Variants in CCDC66 observed in about 807,000 individuals in gnomAD.
CCDC66 encodes the protein coiled-coil domain-containing protein 66.
Under a neutral mutation model 128.3 loss-of-function variants are expected in CCDC66, and 133 were observed. That is an observed-to-expected ratio of 1.04 (90% CI 0.90 to 1.20). The LOEUF is 1.20. Among genes scored for constraint, CCDC66 ranks in the 50% most tolerant of loss-of-function variants. The pLI is 0.00. For synonymous variants in CCDC66, 387 were observed against 357.0 expected, an observed-to-expected ratio of 1.08 and a Z score of -0.95; for missense variants, 1,126 against 1,075.5, an observed-to-expected ratio of 1.05 and a Z score of -0.66.
At chr3:56,571,153 A>G (rs779486031) in intron 6 of CCDC66, 28 bp from the exon 7 acceptor site, 2 of 1,454,750 alleles carry the variant, frequency 1.4e-6, no homozygotes, top group South Asian at 2.5e-5. Flanking sequence ...GTTTTTGTAC[A>G]TTTTTTTAAA....
chr3:56,611,678 G>C (rs2317132), intron 10 of CCDC66, among the ~76,000 whole-genome samples: 15,249 of 151,590 alleles, frequency 0.1, 1,200 homozygotes, highest in East Asian at 0.35. Flanking sequence ...TGCTCCTCTG[G>C]CCACCCTCCT....
At position 56,613,623 on chromosome 3, in the gene CCDC66, G is replaced by A. The variant is rs1244277941; in HGVS notation, c.1439G>A (p.Arg480Lys). The change falls in exon 11 of 18, where the codon AGG becomes AAG. Residue 480 changes from arginine (R) to lysine (K), a missense_variant. Arg to Lys is a conservative substitution (Grantham distance 26). Transcript: ENST00000394672. ...AITAQVEEKR[R>K]KKQLEEEQRK... ...ACTGCCCAGGTAGAAGAGAAGCGCAGGAAGAAACAACTGGAGGAAGAGCAA... is the reference window on the plus strand; with the variant it reads ...ACTGCCCAGGTAGAAGAGAAGCGCAAGAAGAAACAACTGGAGGAAGAGCAA... 7 of 1,613,902 alleles carry A rather than the reference G, an allele frequency of 4.3e-6. No homozygotes were observed. Among genetic ancestry groups the A allele is most frequent in the Non-Finnish European group, 5.9e-6 (7 of 1,179,924 alleles).
In CCDC66 at chr3:56,613,627, G is replaced by GA; in HGVS notation, c.1446dup (p.Gln483ThrfsTer23). On this transcript the variant is annotated frameshift_variant, in exon 11 of 18. Transcript: ENST00000394672. LOFTEE classifies it high-confidence loss of function. ...CCCAGGTAGAAGAGAAGCGCAGGAA[G>GA]AAACAACTGGAGGAAGAGCAAAGAA... 1 of 1,613,982 alleles carries GA rather than the reference G, an allele frequency of 6.2e-7. No individual in the cohort carries two copies. The highest frequency in any genetic ancestry group is 1.1e-5 in the South Asian group (1 of 91,054).
chr3:56,591,924 A>T (rs760445492), intron 7 of CCDC66, among the ~76,000 whole-genome samples: 4 of 152,194 alleles, frequency 2.6e-5, no homozygotes, highest in Non-Finnish European at 4.4e-5. Context: ...TCTTGTAGTT[A>T]TTTCATGTAA....
rs563456601 is a variant in CCDC66 at position 56,608,624 on chromosome 3, G to A, written c.1405-4965G>A. ...CAATTTCATTTAGTTCTGCTCTGAT[G>A]TTGGTTGTTTCCTTTCTTCTGCTAG... On this transcript the variant is annotated intron_variant, in intron 10 of 17. Coordinates refer to ENST00000394672, the MANE Select transcript of CCDC66 (RefSeq NM_001141947.3). Among the ~76,000 whole-genome samples the A allele has an allele frequency of 2.0e-5, 3 of 151,680 alleles. No individual in the cohort carries two copies. In the South Asian group the frequency reaches 6.2e-4, roughly 32 times the overall value.
chr3:56,609,181 C>G (rs572058095), intron 10 of CCDC66, among the ~76,000 whole-genome samples: 5 of 152,200 alleles, frequency 3.3e-5, no homozygotes, highest in African/African-American at 7.2e-5. Context: ...GTCTTGATGA[C>G]CTGTCTAGTC....
At chr3:56,573,451 G>T (rs181123978) in intron 7 of CCDC66, among the ~76,000 whole-genome samples, 1 of 152,326 alleles carries the variant, frequency 6.6e-6, no homozygotes, top group Non-Finnish European at 1.5e-5. Context: ...TTTATGCTGA[G>T]TGAAGTGGCT....
rs762183039 is a variant in CCDC66 at position 56,563,940 on chromosome 3, A to G, written c.359A>G (p.Lys120Arg). 70 of 1,613,958 alleles carry G rather than the reference A, an allele frequency of 4.3e-5. No individual in the cohort carries two copies. In the Middle Eastern group the frequency reaches 1.5e-3, roughly 34 times the overall value. ...TCACCTGCAACCCCTAATATGCAGA[A>G]GACTAGAAACACCGTAAATACATCT... The part of the protein sequence containing the change: ...EISPATPNMQ[K>R]TRNTVNTSLV... Residue 120 changes from lysine (K) to arginine (R), a missense_variant, in exon 4 of 18, where the codon AAG (lysine) becomes AGG (arginine). Lys to Arg is a conservative substitution (Grantham distance 26). Coordinates refer to ENST00000394672, the MANE Select transcript of CCDC66 (RefSeq NM_001141947.3).
intron 7 of CCDC66, among the ~76,000 whole-genome samples, chr3:56,583,919 CG>C (rs1466615952): frequency 1.2e-5 from 1 of 85,466 alleles, no homozygotes; most frequent in Non-Finnish European, 2.3e-5. Context: ...GGCGGCTGGG[CG>C]GGGGCTGCCC....
At chr3:56,604,582 T>C (rs1343120054) in intron 10 of CCDC66, among the ~76,000 whole-genome samples, 1 of 151,994 alleles carries the variant, frequency 6.6e-6, no homozygotes, top group Non-Finnish European at 1.5e-5. Flanking sequence ...AATTCTTTTT[T>C]TTTTTTAAGA....
chr3:56,601,295 T>G (rs1437343984), intron 10 of CCDC66, among the ~76,000 whole-genome samples: 1 of 152,068 alleles, frequency 6.6e-6, no homozygotes, highest in Non-Finnish European at 1.5e-5. Context: ...GTGTGTGGTG[T>G]TATTTCTGAG....
intron 15 of CCDC66, chr3:56,619,009 A>T (rs1480451229): frequency 3.1e-6 from 1 of 319,748 alleles, no homozygotes; most frequent in East Asian, 6.8e-5. Flanking sequence ...ACCTGAGGTC[A>T]GGAGTTCAAG....
At chr3:56,567,317 G>A (rs2065989523) in intron 6 of CCDC66, among the ~76,000 whole-genome samples, 1 of 152,170 alleles carries the variant, frequency 6.6e-6, no homozygotes. Context: ...TTGAACCTGG[G>A]AGGCAGAGGT....
intron 4 of CCDC66, chr3:56,565,353 A>C (rs2065665280): frequency 6.0e-6 from 1 of 166,918 alleles, no homozygotes; most frequent in Non-Finnish European, 1.3e-5. Context: ...GGCTCACTGC[A>C]AGCTCTGCCT....
intron 7 of CCDC66, among the ~76,000 whole-genome samples, chr3:56,576,405 ATTT>A (rs920466942): frequency 6.8e-6 from 1 of 147,044 alleles, no homozygotes; most frequent in Non-Finnish European, 1.5e-5. Flanking sequence ...TGTACATGGA[ATTT>A]TTTTTTTTAT....
intron 7 of CCDC66, among the ~76,000 whole-genome samples, chr3:56,586,636 C>A (rs1431971653): frequency 6.6e-6 from 1 of 151,530 alleles, no homozygotes; most frequent in Non-Finnish European, 1.5e-5. Context: ...ATAGTAATAG[C>A]AAGATAACAA....
At chr3:56,613,246 C>T (rs2075082693) in intron 10 of CCDC66, among the ~76,000 whole-genome samples, 2 of 152,186 alleles carry the variant, frequency 1.3e-5, no homozygotes, top group South Asian at 4.1e-4. Flanking sequence ...CCACAAGAGT[C>T]AAGGGGCTGT....
chr3:56,593,856 TTAG>T, intron 9 of CCDC66, 85 bp from the exon 10 acceptor site: 1 of 1,579,556 alleles, frequency 6.3e-7, no homozygotes, highest in Non-Finnish European at 8.7e-7. Flanking sequence ...ATAGAAATAA[TTAG>T]TAGATTTATC....
chr3:56,581,363 A>AT (rs2068337977), intron 7 of CCDC66, among the ~76,000 whole-genome samples: 4 of 151,784 alleles, frequency 2.6e-5, no homozygotes, highest in Admixed American at 6.6e-5. Context: ...ATCCTCCTTT[A>AT]GCTTGGAGAA....
Sources: allele counts gnomAD v4.1 joint callset (sites outside exome capture counted in the v4.1 genomes callset), GRCh38; gene constraint gnomAD v4.1.1; transcripts MANE v1.5; gene names NCBI Gene and HGNC (gene_info 2026-07-23, HGNC 2026-07-21).